The following ANXA4 variants were observed in gnomAD, a reference collection of about 807,000 sequenced individuals.
ANXA4 encodes the protein 35-beta calcimedin.
A neutral mutation model predicts 49.8 loss-of-function variants in ANXA4; 39 were observed. That is an observed-to-expected ratio of 0.78 (90% CI 0.61 to 1.02). ANXA4 has a LOEUF of 1.02. Among genes scored for constraint, ANXA4 ranks in the 50% least tolerant of loss-of-function variants. The pLI is 0.00. For synonymous variants in ANXA4, 134 were observed against 152.5 expected (o/e 0.88, Z 0.89); for missense variants, 360 against 410.1 (o/e 0.88, Z 1.05).
At chr2:69,733,788 T>G (rs1484986348) in intron 3 of ANXA4, among the ~76,000 whole-genome samples, 1 of 152,194 alleles carries the variant, frequency 6.6e-6, no homozygotes, top group Non-Finnish European at 1.5e-5. Context: ...TACTTTTGCT[T>G]CATACTGTAA....
At chr2:69,652,645 G>T (rs1676294317) in intron 1 of ANXA4, among the ~76,000 whole-genome samples, 2 of 152,068 alleles carry the variant, frequency 1.3e-5, no homozygotes, top group African/African-American at 4.8e-5. Flanking sequence ...GATCACGTGA[G>T]GTCAGGCTTT....
chr2:69,716,048 C>G (rs1046533223), intron 2 of ANXA4, among the ~76,000 whole-genome samples: 4 of 152,218 alleles, frequency 2.6e-5, no homozygotes, highest in African/African-American at 7.2e-5. Context: ...AAGCCTCACT[C>G]TCTCCTGGAG....
At chr2:69,702,365 T>G (rs1463969531) in intron 2 of ANXA4, among the ~76,000 whole-genome samples, 3 of 152,106 alleles carry the variant, frequency 2.0e-5, no homozygotes, top group African/African-American at 7.2e-5. Context: ...TCAAATATAT[T>G]TAAAAAGTAG....
At chr2:69,772,471 G>A (rs1408870864) in intron 1 of ANXA4, among the ~76,000 whole-genome samples, 1 of 151,992 alleles carries the variant, frequency 6.6e-6, no homozygotes, top group Non-Finnish European at 1.5e-5. Flanking sequence ...TCAGCCCTTG[G>A]GAGCTGTCAT....
chr2:69,674,194 T>G (rs1677311430), intron 2 of ANXA4: 1 of 152,330 alleles, frequency 6.6e-6, no homozygotes, highest in South Asian at 2.1e-4. Context: ...CCCCTGCCTC[T>G]GCCAGCTCTC....
At chr2:69,711,779 T>G (rs935547481) in intron 2 of ANXA4, among the ~76,000 whole-genome samples, 15 of 152,050 alleles carry the variant, frequency 9.9e-5, no homozygotes, top group African/African-American at 3.6e-4. Flanking sequence ...GATTGGGGAA[T>G]TCAGAAAGAG....
intron 2 of ANXA4, among the ~76,000 whole-genome samples, chr2:69,677,055 G>A (rs1677437165): frequency 6.6e-6 from 1 of 152,030 alleles, no homozygotes; most frequent in Non-Finnish European, 1.5e-5. Context: ...GCCTCAAGCA[G>A]TCATTCTACC....
intron 6 of ANXA4, chr2:69,808,686 G>A (rs1673560631): frequency 6.6e-6 from 1 of 151,570 alleles, no homozygotes; most frequent in South Asian, 2.1e-4. Flanking sequence ...TTTTGAGACA[G>A]GGTCTCACTC....
chr2:69,725,452 A>G (rs1669939398), intron 3 of ANXA4, among the ~76,000 whole-genome samples: 1 of 150,924 alleles, frequency 6.6e-6, no homozygotes, highest in Non-Finnish European at 1.5e-5. Context: ...TAAATATATG[A>G]ATGCTGCCCC....
intron 1 of ANXA4, among the ~76,000 whole-genome samples, chr2:69,743,551 C>T (rs561169440): frequency 6.6e-6 from 1 of 152,146 alleles, no homozygotes. Flanking sequence ...CCAGGGAATT[C>T]TCAGACACAG....
At chr2:69,710,913 T>C (rs2105406591) in intron 2 of ANXA4, among the ~76,000 whole-genome samples, 1 of 152,326 alleles carries the variant, frequency 6.6e-6, no homozygotes, top group South Asian at 2.1e-4. Context: ...AAAGTTAAAC[T>C]ACACTTACTA....
chr2:69,654,392 G>A (rs1676361239), intron 2 of ANXA4, among the ~76,000 whole-genome samples: 1 of 152,120 alleles, frequency 6.6e-6, no homozygotes, highest in Non-Finnish European at 1.5e-5. Context: ...TCCAGCTTTT[G>A]CCCATTCAAT....
chr2:69,787,936 C>T lies in ANXA4; in HGVS notation c.10-118C>T, dbSNP rs996279934. On this transcript the variant is annotated intron_variant, in intron 2 of 12. Coordinates refer to ENST00000394295, the MANE Select transcript of ANXA4 (RefSeq NM_001153.5). Reference sequence around the variant, plus strand: ...ATTTTTCATGGTCACTACTGTACCCCTAGCACCTAGAATACCATCTAGGCT... The same window carrying T: ...ATTTTTCATGGTCACTACTGTACCCTTAGCACCTAGAATACCATCTAGGCT... The T allele has an allele frequency of 2.8e-5, 24 of 848,844 alleles. No individual in the cohort carries two copies. The Admixed American group carries it at 4.7e-4, about 17-fold the overall frequency. 52.6% of individuals were successfully genotyped at this position (848,844 alleles called of 1,614,324 possible).
At chr2:69,809,740 A>C (rs1673612783) in intron 6 of ANXA4, 1 of 152,268 alleles carries the variant, frequency 6.6e-6, no homozygotes, top group South Asian at 2.1e-4. Context: ...AGCCTCCCAA[A>C]GTGTTAGGAT....
chr2:69,804,437 T>C (rs1673347123), intron 3 of ANXA4, 96 bp from the exon 4 acceptor site: 1 of 1,085,144 alleles, frequency 9.2e-7, no homozygotes, highest in Admixed American at 2.2e-5. Flanking sequence ...GAAAGCCCTC[T>C]GCATGTGTTT....
chr2:69,656,277 GTATATATATACATATATGTA>G, intron 2 of ANXA4, among the ~76,000 whole-genome samples: 1 of 117,336 alleles, frequency 8.5e-6, no homozygotes, highest in East Asian at 3.1e-4. Flanking sequence ...ATGTATATAC[GTATATATATACATATATGTA>G]TATATATGTA....
At chr2:69,672,456 T>A (rs1310731058) in intron 2 of ANXA4, among the ~76,000 whole-genome samples, 1 of 152,158 alleles carries the variant, frequency 6.6e-6, no homozygotes, top group Admixed American at 6.6e-5. Context: ...GGTCTTGAAC[T>A]CCTGACCTCA....
chr2:69,669,610 C>CAA (rs201802569), intron 2 of ANXA4, among the ~76,000 whole-genome samples: 4 of 134,502 alleles, frequency 3.0e-5, no homozygotes, highest in Non-Finnish European at 1.6e-5. Flanking sequence ...GACTCCATCT[C>CAA]AAAAAAAAAA....
chr2:69,769,720 G>A (rs941332041), intron 1 of ANXA4, among the ~76,000 whole-genome samples: 7 of 152,196 alleles, frequency 4.6e-5, no homozygotes, highest in African/African-American at 1.4e-4. Flanking sequence ...CTGGAGTGCA[G>A]TGGCGTGATC....
Sources: gnomAD v4.1 joint callset for allele counts (sites outside exome capture counted in the v4.1 genomes callset) on GRCh38, gnomAD v4.1.1 for gene constraint, MANE v1.5 for transcripts, NCBI Gene and HGNC (gene_info 2026-07-23, HGNC 2026-07-21) for gene names.